Variants in ITPR2 observed in about 807,000 individuals in gnomAD.
ITPR2 encodes the protein inositol 1,4,5-trisphosphate receptor type 2.
A neutral mutation model predicts 317.1 loss-of-function variants in ITPR2; 207 were observed. The ratio of observed to expected loss-of-function variants is 0.65; its 90% CI spans 0.58 to 0.73. ITPR2 has a LOEUF of 0.73. Ranked by LOEUF, ITPR2 falls within the 30% of genes least tolerant of loss-of-function variation. ITPR2 has a pLI of 0.00. For missense variants in ITPR2, 2,613 were observed against 3,284.0 expected, an observed-to-expected ratio of 0.80 and a Z score of 4.99; for synonymous variants, 1,156 against 1,149.1, an observed-to-expected ratio of 1.01 and a Z score of -0.12.
chr12:26,720,765 T>C (rs182562536), intron 5 of ITPR2, among the ~76,000 whole-genome samples: 3 of 152,334 alleles, frequency 2.0e-5, no homozygotes, highest in African/African-American at 7.2e-5. Flanking sequence ...TTTGTTTTGT[T>C]TTGGTTTTCC....
At chr12:26,586,506 G>T (rs533352263) in intron 32 of ITPR2, among the ~76,000 whole-genome samples, 1 of 152,164 alleles carries the variant, frequency 6.6e-6, no homozygotes, top group South Asian at 2.1e-4. Context: ...ATTTTCCTTA[G>T]CTAATTTCAT....
intron 41 of ITPR2, 45 bp from the exon 42 acceptor site, chr12:26,483,943 T>C (rs1942601791): frequency 6.7e-7 from 1 of 1,502,452 alleles, no homozygotes; most frequent in Non-Finnish European, 9.2e-7. Context: ...AAAAATTCAC[T>C]GTGCTGATTG....
At chr12:26,663,610 C>A in intron 15 of ITPR2, 75 bp downstream of exon 15, 1 of 1,299,606 alleles carries the variant, frequency 7.7e-7, no homozygotes, top group South Asian at 1.7e-5. Context: ...ACTTTCTATG[C>A]TGTAGAATTA....
At position 26,611,549 on chromosome 12, in the gene ITPR2, C is replaced by T. The variant is rs1037045241; in HGVS notation, c.3463-8843G>A. Among the ~76,000 whole-genome samples, 3 of 151,760 alleles carry T rather than the reference C, an allele frequency of 2.0e-5. No homozygotes were observed. The South Asian group carries it at 6.2e-4, about 32-fold the overall frequency. Reference sequence around the variant, plus strand: ...ACCGTACTCCAGCTGGGTGACAGAGCGAGACCCATCTCTAAAAAAAAGTAA... The same window carrying T: ...ACCGTACTCCAGCTGGGTGACAGAGTGAGACCCATCTCTAAAAAAAAGTAA... On this transcript the variant is annotated intron_variant, in intron 26 of 56. Coordinates refer to ENST00000381340, the MANE Select transcript of ITPR2 (RefSeq NM_002223.4).
intron 2 of ITPR2, among the ~76,000 whole-genome samples, chr12:26,730,760 G>A (rs1443518894): frequency 6.6e-6 from 1 of 152,186 alleles, no homozygotes; most frequent in Admixed American, 6.5e-5. Context: ...ATTTTAAACT[G>A]ATAGCATTGG....
chr12:26,502,500 C>A (rs1943092056), intron 37 of ITPR2, among the ~76,000 whole-genome samples: 1 of 152,160 alleles, frequency 6.6e-6, no homozygotes, highest in African/African-American at 2.4e-5. Context: ...AGCCCATAGT[C>A]CCTGGTACAC....
Position 26,748,181 on chromosome 12 carries a change from C to G in ITPR2, c.164-22416G>C, listed in dbSNP as rs563335718. The stretch of plus-strand genomic sequence containing the variant: ...TCAAGTGATTCTCCTGCCTCAGCCT[C>G]CCAAGTAACTGGGATTACAGGAACC... On this transcript the variant is annotated intron_variant, in intron 2 of 56. Coordinates refer to ENST00000381340, the MANE Select transcript of ITPR2 (RefSeq NM_002223.4). Among the ~76,000 whole-genome samples the G allele has an allele frequency of 7.0e-4, 107 of 152,224 alleles. 2 individuals carry two copies. Among genetic ancestry groups the G allele is most frequent in the Middle Eastern group, 3.4e-3 (1 of 294 alleles).
In ITPR2 at chr12:26,820,101, C is replaced by G. The variant is rs188120691; in HGVS notation, c.92+12589G>C. ...AAAAAAGAAAAGGCCATGTACATTA[C>G]TTTTTCAGAGTGTAAGCTTTACCAC... is the stretch of plus-strand genomic sequence containing the variant. On this transcript the variant is annotated intron_variant, in intron 1 of 56. Coordinates refer to ENST00000381340, the MANE Select transcript of ITPR2 (RefSeq NM_002223.4). Among the ~76,000 whole-genome samples the G allele has an allele frequency of 2.0e-5, 3 of 152,154 alleles. No homozygotes were observed. In the East Asian group the frequency reaches 5.8e-4, roughly 29 times the overall value.
chr12:26,797,938 C>T (rs1167953642), intron 1 of ITPR2, among the ~76,000 whole-genome samples: 2 of 151,930 alleles, frequency 1.3e-5, no homozygotes, highest in African/African-American at 2.4e-5. Context: ...GTGATCCGCC[C>T]ACCTCGGCCT....
chr12:26,816,302 C>G lies in ITPR2; in HGVS notation c.92+16388G>C, dbSNP rs1287398719. ...TCTGATGCTATGAGCCTGACACTTA[C>G]TAAGTGTTTTACATATGTTAGTTGC... On this transcript the variant is annotated intron_variant, in intron 1 of 56. Coordinates refer to ENST00000381340, the MANE Select transcript of ITPR2 (RefSeq NM_002223.4). Among the ~76,000 whole-genome samples, 4 of 152,170 alleles carry G rather than the reference C, an allele frequency of 2.6e-5. No homozygotes were observed. In the South Asian group the frequency reaches 8.3e-4, roughly 32 times the overall value.
At chr12:26,694,815 C>T (rs767436087) in intron 10 of ITPR2, among the ~76,000 whole-genome samples, 3 of 152,156 alleles carry the variant, frequency 2.0e-5, no homozygotes, top group Non-Finnish European at 2.9e-5. Context: ...CCTACCTCTA[C>T]GTTTAGAGAC....
At chr12:26,409,809 G>A (rs774584212) in intron 52 of ITPR2, among the ~76,000 whole-genome samples, 5 of 152,152 alleles carry the variant, frequency 3.3e-5, no homozygotes, top group Admixed American at 6.5e-5. Flanking sequence ...GAAGGGACCT[G>A]AAACCGAGAG....
At chr12:26,773,219 G>C (rs965470483) in intron 2 of ITPR2, among the ~76,000 whole-genome samples, 11 of 152,122 alleles carry the variant, frequency 7.2e-5, no homozygotes, top group African/African-American at 2.7e-4. Flanking sequence ...GGCTATTCAG[G>C]ATTAAGTAGG....
chr12:26,726,366 G>A (rs1231207247), intron 2 of ITPR2, among the ~76,000 whole-genome samples: 1 of 152,160 alleles, frequency 6.6e-6, no homozygotes, highest in Non-Finnish European at 1.5e-5. Context: ...GAAAATCATA[G>A]AGGAATATTA....
At chr12:26,624,455 CA>C in intron 23 of ITPR2, 99 bp from the exon 24 acceptor site, 3 of 820,392 alleles carry the variant, frequency 3.7e-6, no homozygotes, top group South Asian at 3.9e-5. Flanking sequence ...TTTTTGTCTT[CA>C]TTTCTTTATT....
At chr12:26,375,795 C>G (rs1323597831) in intron 55 of ITPR2, among the ~76,000 whole-genome samples, 3 of 152,168 alleles carry the variant, frequency 2.0e-5, no homozygotes, top group Non-Finnish European at 2.9e-5. Flanking sequence ...CTAATATATA[C>G]CAGGCACTTT....
intron 1 of ITPR2, among the ~76,000 whole-genome samples, chr12:26,810,684 T>G (rs1221320264): frequency 1.3e-5 from 2 of 152,244 alleles, no homozygotes; most frequent in Non-Finnish European, 2.9e-5. Context: ...CTGTTTTATT[T>G]TCTCTCCCTT....
chr12:26,378,598 T>C (rs1040107761), intron 55 of ITPR2, among the ~76,000 whole-genome samples: 1 of 152,218 alleles, frequency 6.6e-6, no homozygotes, highest in African/African-American at 2.4e-5. Context: ...CAGAGTTCGT[T>C]CTGATTTGCA....
intron 55 of ITPR2, among the ~76,000 whole-genome samples, chr12:26,376,482 T>C (rs1383952360): frequency 6.6e-6 from 1 of 152,236 alleles, no homozygotes; most frequent in Non-Finnish European, 1.5e-5. Flanking sequence ...CAATTTCCAG[T>C]GGCATTTCCT....
Sources: allele counts gnomAD v4.1 joint callset (sites outside exome capture counted in the v4.1 genomes callset), GRCh38; gene constraint gnomAD v4.1.1; transcripts MANE v1.5; gene names NCBI Gene and HGNC (gene_info 2026-07-23, HGNC 2026-07-21).